RPL30: variants seen among roughly 807,000 people sequenced by gnomAD.
RPL30 encodes large ribosomal subunit protein eL30.
For synonymous variants in RPL30, 40 were observed against 50.4 expected (o/e 0.79, Z 0.87); for missense variants, 60 against 138.0 (o/e 0.43, Z 2.83).
chr8:98,043,692 T>C (rs908432464), intron 3 of RPL30: 2 of 151,850 alleles, frequency 1.3e-5, no homozygotes, highest in African/African-American at 4.8e-5. Flanking sequence ...CTACTAAAAA[T>C]ACAAAATTTC....
At position 98,041,774 on chromosome 8, in the gene RPL30, CAGGTGAAATTTTGT is replaced by C; in HGVS notation, c.*13_*26del. On this transcript the variant is annotated 3_prime_UTR_variant, in exon 5 of 5. Coordinates refer to ENST00000287038, the MANE Select transcript of RPL30 (RefSeq NM_000989.4). Reference sequence around the variant, plus strand: ...GAAAATTTTGCAGGTTTAAGGTTTGCAGGTGAAATTTTGTAGGTGAAAAGGTTTACTTTTCACCA... The same window carrying C: ...GAAAATTTTGCAGGTTTAAGGTTTGCAGGTGAAAAGGTTTACTTTTCACCA... The C allele has an allele frequency of 6.4e-7, 1 of 1,550,698 alleles. No individual in the cohort carries two copies.
intron 1 of RPL30, 31 bp from the exon 2 acceptor site, chr8:98,045,430 T>G: frequency 6.2e-7 from 1 of 1,607,692 alleles, no homozygotes; most frequent in Non-Finnish European, 8.5e-7. Context: ...GACAGGAATT[T>G]TAGGATCCGG....
chr8:98,042,627 A>AT lies in RPL30; in HGVS notation c.298+17dup. 6.5e-7 allele frequency: 1 copy of AT among 1,549,326 alleles called. No homozygotes were observed. Among genetic ancestry groups the AT allele is most frequent in the African/African-American group, 1.4e-5 (1 of 70,998 alleles). On this transcript the variant is annotated intron_variant, in intron 4 of 4. Coordinates refer to ENST00000287038, the MANE Select transcript of RPL30 (RefSeq NM_000989.4). ...GAAAGGCAAAAAAAAAAAAGACTTT[A>AT]TGATTTAAAAAGCATACCTGGATCA...
At chr8:98,044,752 TCA>T in intron 3 of RPL30, 189 bp downstream of exon 3, 1 of 578,588 alleles carries the variant, frequency 1.7e-6, no homozygotes. Flanking sequence ...AAAAATAAGC[TCA>T]CAGAAGGGGA....
Position 98,044,955 on chromosome 8 carries a change from C to A in RPL30, c.155G>T (p.Cys52Phe). 6.2e-7 allele frequency: 1 copy of A among 1,613,358 alleles called. No individual in the cohort carries two copies. Among genetic ancestry groups the A allele is most frequent in the South Asian group, 1.1e-5 (1 of 91,026 alleles). ...KAKLVILANN[C>F]PALRKSEIEY... The stretch of plus-strand genomic sequence containing the variant: ...TCTCTTCGATTACCTCAAAGCTGGG[C>A]AGTTGTTAGCGAGAATGACCAATTT... The change falls in exon 3 of 5, where the codon TGC (cysteine) becomes TTC (phenylalanine). Residue 52 changes from cysteine (C) to phenylalanine (F), a missense_variant. Cys to Phe is a radical substitution (Grantham distance 205, BLOSUM62 -2). Transcript: ENST00000287038.
intron 2 of RPL30, 103 bp downstream of exon 2, chr8:98,045,244 T>G: frequency 6.3e-7 from 1 of 1,575,506 alleles, no homozygotes; most frequent in Non-Finnish European, 8.7e-7. Flanking sequence ...GCCCTCCAAA[T>G]GCCAGCAGGC....
intron 3 of RPL30, 48 bp from the exon 4 acceptor site, chr8:98,042,823 T>G (rs201062098): frequency 1.9e-5 from 29 of 1,506,494 alleles, no homozygotes; most frequent in Non-Finnish European, 2.3e-5. Flanking sequence ...ACCAAGTGAC[T>G]GACAGACTAA....
At chr8:98,045,129 T>C in intron 2 of RPL30, 41 bp from the exon 3 acceptor site, 1 of 1,594,004 alleles carries the variant, frequency 6.3e-7, no homozygotes, top group East Asian at 2.2e-5. Flanking sequence ...GGGCCTCGCC[T>C]GCAACCGCCT....
chr8:98,044,923 C>T lies in RPL30; in HGVS notation c.167+20G>A. The T allele has an allele frequency of 6.2e-7, 1 of 1,610,042 alleles. No homozygotes were observed. Among genetic ancestry groups the T allele is most frequent in the Non-Finnish European group, 8.5e-7 (1 of 1,178,858 alleles). ...CGATGAATTCGCGGTAGGCGAAGCC[C>T]GTTCAGTCTCTTCGATTACCTCAAA... On this transcript the variant is annotated intron_variant, in intron 3 of 4. Transcript: ENST00000287038.
At chr8:98,043,711 A>T (rs1466428) in intron 3 of RPL30, 112,235 of 151,678 alleles carry the variant, frequency 0.74, 42,174 homozygotes, top group African/African-American at 0.83. Context: ...TCAGCGTCAA[A>T]TTAGTAGATA....
chr8:98,044,868 T>A (rs1413375232), intron 3 of RPL30, 75 bp downstream of exon 3: 4 of 1,472,662 alleles, frequency 2.7e-6, no homozygotes, highest in Non-Finnish European at 3.7e-6. Flanking sequence ...GTACTCAGAT[T>A]ACAAGTTTAC....
chr8:98,042,178 CCTGA>C (rs762915689), intron 4 of RPL30: 36 of 575,370 alleles, frequency 6.3e-5, no homozygotes, highest in Admixed American at 5.7e-4. Context: ...TTTAGCCTGT[CCTGA>C]CTATTACAAA....
chr8:98,042,603 A>G lies in RPL30; in HGVS notation c.298+42T>C, dbSNP rs771835451. 114 of 1,457,148 alleles carry G rather than the reference A, an allele frequency of 7.8e-5. 1 individual carries two copies. In the Middle Eastern group the frequency reaches 1.2e-3, roughly 16 times the overall value. The allele number at this position is 1,457,148 out of a possible 1,614,324, so 90.3% of individuals were successfully genotyped here. A position where few individuals can be genotyped will look rare whatever the true frequency, so the allele number is the denominator to read the frequency against. ...AATACTTGTCCAGACATTACATTAG[A>G]AAGGCAAAAAAAAAAAAGACTTTAT... On this transcript the variant is annotated intron_variant, in intron 4 of 4. Coordinates refer to ENST00000287038, the MANE Select transcript of RPL30 (RefSeq NM_000989.4).
chr8:98,045,119 GGGCCTCGCCTGCA>G (rs1365957665), intron 2 of RPL30, 31 bp from the exon 3 acceptor site: 4 of 1,600,442 alleles, frequency 2.5e-6, no homozygotes, highest in Non-Finnish European at 3.4e-6. Context: ...ACGGACCTAA[GGGCCTCGCCTGCA>G]ACCGCCTCAA....
intron 3 of RPL30, chr8:98,043,962 A>T (rs1270682320): frequency 1.3e-5 from 2 of 152,214 alleles, no homozygotes; most frequent in Non-Finnish European, 2.9e-5. Flanking sequence ...AAAATACAAA[A>T]ATTAGCCAGG....
chr8:98,042,606 G>C (rs1264539654), intron 4 of RPL30, 39 bp downstream of exon 4: 6 of 1,395,212 alleles, frequency 4.3e-6, no homozygotes, highest in African/African-American at 3.1e-5. Flanking sequence ...ACATTAGAAA[G>C]GCAAAAAAAA....
intron 4 of RPL30, 49 bp from the exon 5 acceptor site, chr8:98,041,899 C>CAATTCAATT (rs745534956): frequency 1.4e-5 from 17 of 1,257,664 alleles, no homozygotes; most frequent in Non-Finnish European, 1.9e-5. Flanking sequence ...CATTTAATAG[C>CAATTCAATT]AACTGGTACC....
At chr8:98,045,289 C>G (rs1244293058) in intron 2 of RPL30, 58 bp downstream of exon 2, 30 of 1,612,870 alleles carry the variant, frequency 1.9e-5, no homozygotes, top group Non-Finnish European at 2.5e-5. Context: ...ATCTGCCCGC[C>G]CTGGCCAAGA....
At chr8:98,043,530 C>A (rs933894379) in intron 3 of RPL30, 1 of 151,662 alleles carries the variant, frequency 6.6e-6, no homozygotes, top group Admixed American at 6.6e-5. Context: ...CTATCACCAT[C>A]CCCTCAGTGC....
Sources: allele counts gnomAD v4.1 joint callset, GRCh38; gene constraint gnomAD v4.1.1; transcripts MANE v1.5; gene names NCBI Gene and HGNC (gene_info 2026-07-23, HGNC 2026-07-21).